The following CACNG2 variants were observed in gnomAD, a reference collection of about 807,000 sequenced individuals.
The protein encoded by CACNG2 is calcium voltage-gated channel auxiliary subunit gamma 2.
CACNG2 carries 3 observed loss-of-function variants against 25.9 expected under a neutral mutation model. The ratio of observed to expected loss-of-function variants is 0.12; its 90% CI spans 0.05 to 0.30. The LOEUF is 0.30. Ranked by LOEUF, CACNG2 falls within the 10% of genes least tolerant of loss-of-function variation. The pLI is 1.00. For synonymous variants in CACNG2, 167 were observed against 173.3 expected (o/e 0.96, Z 0.29); for missense variants, 341 against 432.5 (o/e 0.79, Z 1.88).
intron 2 of CACNG2, among the ~76,000 whole-genome samples, chr22:36,585,611 G>C (rs966066494): frequency 7.2e-5 from 11 of 152,130 alleles, no homozygotes; most frequent in Admixed American, 2.6e-4. Flanking sequence ...GAGCAGAGTT[G>C]GGTAAATGGG....
chr22:36,627,309 TG>T (rs1936199455), intron 1 of CACNG2, among the ~76,000 whole-genome samples: 4 of 151,460 alleles, frequency 2.6e-5, no homozygotes, highest in African/African-American at 9.7e-5. Flanking sequence ...TGTGTGTGTG[TG>T]TGTGTGTGTG....
At chr22:36,661,243 C>T (rs538944482) in intron 1 of CACNG2, among the ~76,000 whole-genome samples, 102 of 152,314 alleles carry the variant, frequency 6.7e-4, no homozygotes, top group Non-Finnish European at 6.3e-4. Context: ...TGGGGTGTGA[C>T]TCTCTGTAGC....
intron 1 of CACNG2, among the ~76,000 whole-genome samples, chr22:36,700,236 G>A (rs550892931): frequency 1.6e-4 from 24 of 152,318 alleles, no homozygotes; most frequent in African/African-American, 5.8e-4. Context: ...AGTTAAAGGG[G>A]GTGGGCAGCA....
intron 1 of CACNG2, among the ~76,000 whole-genome samples, chr22:36,630,187 A>G (rs1936246945): frequency 6.6e-6 from 1 of 152,088 alleles, no homozygotes; most frequent in Admixed American, 6.5e-5. Context: ...GGACCTGAAG[A>G]ATAGTTTGTA....
At chr22:36,663,501 T>G (rs962855084) in intron 1 of CACNG2, among the ~76,000 whole-genome samples, 1 of 152,140 alleles carries the variant, frequency 6.6e-6, no homozygotes, top group African/African-American at 2.4e-5. Context: ...TTTTTTCTTT[T>G]TAGAGCAAAA....
chr22:36,699,944 G>A (rs76930507), intron 1 of CACNG2, among the ~76,000 whole-genome samples: 3 of 152,252 alleles, frequency 2.0e-5, no homozygotes, highest in East Asian at 1.9e-4. Flanking sequence ...GGCCTGCAAA[G>A]CTCCAATTGA....
chr22:36,665,088 G>A (rs1936857179), intron 1 of CACNG2, among the ~76,000 whole-genome samples: 1 of 152,176 alleles, frequency 6.6e-6, no homozygotes, highest in Non-Finnish European at 1.5e-5. Context: ...GGTGAAGGCA[G>A]GCCACAGAAG....
At chr22:36,650,734 G>A (rs1936598705) in intron 1 of CACNG2, among the ~76,000 whole-genome samples, 5 of 152,130 alleles carry the variant, frequency 3.3e-5, no homozygotes, top group Admixed American at 3.3e-4. Flanking sequence ...TGGCCACGCT[G>A]ATCTTGAACT....
At chr22:36,599,110 T>A (rs1206903618) in intron 1 of CACNG2, among the ~76,000 whole-genome samples, 1 of 152,254 alleles carries the variant, frequency 6.6e-6, no homozygotes, top group Non-Finnish European at 1.5e-5. Flanking sequence ...ACAGCACTGC[T>A]TATAACAACA....
chr22:36,657,380 C>T (rs753404904), intron 1 of CACNG2, among the ~76,000 whole-genome samples: 7 of 152,024 alleles, frequency 4.6e-5, no homozygotes, highest in Non-Finnish European at 8.8e-5. Context: ...ATATGGAATC[C>T]GGCCTCAAAG....
At position 36,634,166 on chromosome 22, in the gene CACNG2, C is replaced by T. The variant is rs1936320042; in HGVS notation, c.212-46618G>A. ...TCATGTGGCAGAGACTACTATGAACCACCTAAGGCTGTTTTCCCTATAGTC... is the reference window on the plus strand; with the variant it reads ...TCATGTGGCAGAGACTACTATGAACTACCTAAGGCTGTTTTCCCTATAGTC... On this transcript the variant is annotated intron_variant, in intron 1 of 3. Coordinates refer to ENST00000300105, the MANE Select transcript of CACNG2 (RefSeq NM_006078.5). Among the ~76,000 whole-genome samples, 6 of 152,180 alleles carry T rather than the reference C, an allele frequency of 3.9e-5. No individual in the cohort carries two copies. The South Asian group carries it at 1.2e-3, about 32-fold the overall frequency.
chr22:36,610,868 G>T (rs1935929899), intron 1 of CACNG2, among the ~76,000 whole-genome samples: 1 of 152,180 alleles, frequency 6.6e-6, no homozygotes, highest in South Asian at 2.1e-4. Flanking sequence ...TGCCACCCTC[G>T]CTTAGGAAGA....
intron 2 of CACNG2, among the ~76,000 whole-genome samples, chr22:36,582,807 T>C (rs1935441399): frequency 6.6e-6 from 1 of 151,688 alleles, no homozygotes; most frequent in African/African-American, 2.4e-5. Flanking sequence ...TAACATGTTA[T>C]ATCATTCACC....
At chr22:36,669,508 CAAAAAAAAAAA>C (rs1157379465) in intron 1 of CACNG2, among the ~76,000 whole-genome samples, 1 of 61,638 alleles carries the variant, frequency 1.6e-5, no homozygotes, top group East Asian at 6.7e-4. Flanking sequence ...ACTCTATCTC[CAAAAAAAAAAA>C]AAAAAAAAAA....
intron 1 of CACNG2, among the ~76,000 whole-genome samples, chr22:36,692,983 TA>T (rs1937284733): frequency 6.6e-6 from 1 of 152,144 alleles, no homozygotes; most frequent in African/African-American, 2.4e-5. Flanking sequence ...CCGTCTCTAC[TA>T]AAAATACAAA....
Position 36,593,544 on chromosome 22 carries a change from C to T in CACNG2, c.212-5996G>A, listed in dbSNP as rs769762997. Reference sequence around the variant, plus strand: ...AGTTTGCAGGGGCGGTGGTGTCCTTCGGGGAAAGCCAGATTTCCATTAGAG... The same window carrying T: ...AGTTTGCAGGGGCGGTGGTGTCCTTTGGGGAAAGCCAGATTTCCATTAGAG... On this transcript the variant is annotated intron_variant, in intron 1 of 3. Transcript: ENST00000300105. Among the ~76,000 whole-genome samples the T allele has an allele frequency of 8.1e-4, 123 of 152,020 alleles. 1 individual carries two copies. The highest frequency in any genetic ancestry group is 8.1e-4 in the Non-Finnish European group (55 of 67,992).
chr22:36,613,665 A>G (rs1459457070), intron 1 of CACNG2, among the ~76,000 whole-genome samples: 1 of 151,486 alleles, frequency 6.6e-6, no homozygotes, highest in Non-Finnish European at 1.5e-5. Flanking sequence ...TTCCGTTTTC[A>G]CTTACATACT....
chr22:36,668,312 A>T (rs1446151598), intron 1 of CACNG2, among the ~76,000 whole-genome samples: 1 of 152,198 alleles, frequency 6.6e-6, no homozygotes, highest in Non-Finnish European at 1.5e-5. Context: ...TGGGTTCTCC[A>T]GAGAAACTGA....
At chr22:36,595,822 G>T (rs574325637) in intron 1 of CACNG2, among the ~76,000 whole-genome samples, 1 of 152,328 alleles carries the variant, frequency 6.6e-6, no homozygotes, top group African/African-American at 2.4e-5. Context: ...CCCACCAACC[G>T]CCAGGCTGAG....
Sources: gnomAD v4.1 joint callset for allele counts (sites outside exome capture counted in the v4.1 genomes callset) on GRCh38, gnomAD v4.1.1 for gene constraint, MANE v1.5 for transcripts, NCBI Gene and HGNC (gene_info 2026-07-23, HGNC 2026-07-21) for gene names.